Variants in FBRSL1 observed in about 807,000 individuals in gnomAD.
FBRSL1 encodes the protein fibrosin-1-like protein.
A neutral mutation model predicts 89.6 loss-of-function variants in FBRSL1; 51 were observed. That is an observed-to-expected ratio of 0.57 (90% CI 0.45 to 0.72). The LOEUF is 0.72. Ranked by LOEUF, FBRSL1 falls within the 30% of genes least tolerant of loss-of-function variation. The probability of loss-of-function intolerance (pLI) is 0.00; values close to 1 mark genes in which losing one functional copy is unlikely to be tolerated. For synonymous variants in FBRSL1, 779 were observed against 681.1 expected (o/e 1.14, Z -2.24); for missense variants, 1,618 against 1,451.8 (o/e 1.11, Z -1.86).
rs3751315 is a variant in FBRSL1, at chr12:132,570,115, C to A, written c.881C>A (p.Pro294Gln). 1.4e-6 allele frequency: 2 copies of A among 1,479,854 alleles called. No homozygotes were observed. Among genetic ancestry groups the A allele is most frequent in the South Asian group, 2.6e-5 (2 of 78,218 alleles). The allele number at this position is 1,479,854 out of a possible 1,614,324, so 91.7% of individuals were successfully genotyped here. A position where few individuals can be genotyped will look rare whatever the true frequency, so the allele number is the denominator to read the frequency against. ...NPLVKKEPPA[P>Q]HRHTPQPPPP... ...TTGGTGAAGAAGGAACCCCCCGCCC[C>A]GCACCGCCACACCCCGCAGCCGCCA... is the stretch of plus-strand genomic sequence containing the variant. Residue 294 changes from proline (P) to glutamine (Q), a missense_variant, in exon 7 of 19, where the codon CCG (proline) becomes CAG (glutamine). Coordinates refer to ENST00000680143, the MANE Select transcript of FBRSL1 (RefSeq NM_001367871.1).
chr12:132,539,161 G>A (rs1783953697), intron 4 of FBRSL1, among the ~76,000 whole-genome samples: 1 of 152,052 alleles, frequency 6.6e-6, no homozygotes, highest in African/African-American at 2.4e-5. Flanking sequence ...CGGGCTCCAT[G>A]GCAGCTCTTT....
intron 2 of FBRSL1, chr12:132,510,209 G>A (rs1236347212): frequency 1.2e-5 from 15 of 1,231,530 alleles, no homozygotes; most frequent in East Asian, 9.5e-5. Flanking sequence ...AACCCCAGCC[G>A]TTGCTCCCCA....
intron 4 of FBRSL1, among the ~76,000 whole-genome samples, chr12:132,531,003 G>C (rs1270178289): frequency 1.2e-4 from 18 of 150,630 alleles, no homozygotes; most frequent in Admixed American, 5.9e-4. Flanking sequence ...GTGGGGGGGG[G>C]GGTGCAGGTG....
At chr12:132,503,385 C>T (rs544425776) in intron 1 of FBRSL1, among the ~76,000 whole-genome samples, 1 of 152,358 alleles carries the variant, frequency 6.6e-6, no homozygotes, top group East Asian at 1.9e-4. Flanking sequence ...CTTGCCGGGG[C>T]AGTTTCTGTG....
At chr12:132,582,934 G>A in intron 18 of FBRSL1, 37 bp from the exon 19 acceptor site, 1 of 1,358,526 alleles carries the variant, frequency 7.4e-7, no homozygotes, top group Non-Finnish European at 9.4e-7. Context: ...GCAGGACGGA[G>A]GTCTCGGGAG....
At chr12:132,510,264 C>T (rs755573348) in intron 2 of FBRSL1, 9 of 1,231,792 alleles carry the variant, frequency 7.3e-6, no homozygotes, top group East Asian at 3.2e-5. Flanking sequence ...CCCACCCTGC[C>T]GGCCTCTCCT....
chr12:132,540,912 T>C (rs2037205749), intron 4 of FBRSL1, among the ~76,000 whole-genome samples: 1 of 152,210 alleles, frequency 6.6e-6, no homozygotes, highest in South Asian at 2.1e-4. Flanking sequence ...TATTTCCCTC[T>C]GAACCTCTGC....
At chr12:132,580,136 G>A (rs952048265) in intron 15 of FBRSL1, among the ~76,000 whole-genome samples, 3 of 152,284 alleles carry the variant, frequency 2.0e-5, no homozygotes, top group South Asian at 2.1e-4. Context: ...TCGCCAGGCT[G>A]GAGTGCAGTG....
chr12:132,492,002 G>A (rs1484915080), intron 1 of FBRSL1, among the ~76,000 whole-genome samples: 1 of 152,232 alleles, frequency 6.6e-6, no homozygotes, highest in Non-Finnish European at 1.5e-5. Context: ...TGGCTCCAGG[G>A]CTGGCACACG....
chr12:132,572,705 C>T, intron 11 of FBRSL1, 83 bp downstream of exon 11: 1 of 956,196 alleles, frequency 1.0e-6, no homozygotes, highest in South Asian at 1.4e-5. Flanking sequence ...GCCAAACTCT[C>T]TGCCCACAAC....
chr12:132,542,906 C>T (rs1330845583), intron 4 of FBRSL1, among the ~76,000 whole-genome samples: 2 of 152,226 alleles, frequency 1.3e-5, no homozygotes, highest in African/African-American at 2.4e-5. Context: ...GCTTAATAGC[C>T]GTGCTGCTGA....
chr12:132,531,135 A>G (rs908310738), intron 4 of FBRSL1, among the ~76,000 whole-genome samples: 1 of 152,048 alleles, frequency 6.6e-6, no homozygotes, highest in African/African-American at 2.4e-5. Flanking sequence ...AGACCACCCC[A>G]GGGGTGGAGG....
intron 5 of FBRSL1, 85 bp from the exon 6 acceptor site, chr12:132,567,396 C>T: frequency 7.1e-7 from 1 of 1,401,908 alleles, no homozygotes; most frequent in Non-Finnish European, 9.9e-7. Flanking sequence ...GAAAACCACC[C>T]AGACTTGTGT....
intron 1 of FBRSL1, among the ~76,000 whole-genome samples, chr12:132,502,424 G>A (rs889411444): frequency 4.6e-5 from 7 of 152,340 alleles, no homozygotes; most frequent in African/African-American, 1.7e-4. Context: ...GAGACTGCGG[G>A]CCACAGCCAG....
At chr12:132,511,404 C>T in intron 2 of FBRSL1, 1 of 985,980 alleles carries the variant, frequency 1.0e-6, no homozygotes, top group Non-Finnish European at 1.2e-6. Flanking sequence ...CCTGCCCCTT[C>T]CACGGCCCCC....
chr12:132,491,397 C>T (rs1025180320), intron 1 of FBRSL1, among the ~76,000 whole-genome samples: 3 of 152,230 alleles, frequency 2.0e-5, no homozygotes, highest in Non-Finnish European at 2.9e-5. Flanking sequence ...GTCTGGCTGA[C>T]GGACAGTATT....
At position 132,583,713 on chromosome 12, in the gene FBRSL1, C is replaced by T. The variant is rs1019369074; in HGVS notation, c.2944C>T (p.Leu982Phe). The T allele has an allele frequency of 9.6e-5, 116 of 1,203,242 alleles. No individual in the cohort carries two copies. The highest frequency in any genetic ancestry group is 1.1e-4 in the Non-Finnish European group (108 of 969,712). 74.5% of individuals were successfully genotyped at this position (1,203,242 alleles called of 1,614,324 possible). Reference sequence around the variant, plus strand: ...GAGCCGGACTACTCCGCTGGGGGGCCTCGGGCCGGGCGAGGCGCGCGACTA... The same window carrying T: ...GAGCCGGACTACTCCGCTGGGGGGCTTCGGGCCGGGCGAGGCGCGCGACTA... The part of the protein sequence containing the change: ...PRSRTTPLGG[L>F]GPGEARDYSP... The change falls in exon 19 of 19, where the codon CTC becomes TTC. Residue 982 changes from leucine to phenylalanine, a missense_variant. Leu to Phe is a conservative substitution (Grantham distance 22, BLOSUM62 0). Coordinates refer to ENST00000680143, the MANE Select transcript of FBRSL1 (RefSeq NM_001367871.1).
intron 4 of FBRSL1, among the ~76,000 whole-genome samples, chr12:132,542,339 G>A (rs904712066): frequency 2.0e-5 from 3 of 152,244 alleles, no homozygotes; most frequent in Admixed American, 6.5e-5. Flanking sequence ...GTTCCCAGCA[G>A]CTCGGCCTCT....
intron 18 of FBRSL1, among the ~76,000 whole-genome samples, chr12:132,582,770 C>T (rs1261438685): frequency 6.6e-6 from 1 of 152,146 alleles, no homozygotes; most frequent in East Asian, 1.9e-4. Flanking sequence ...TTCCGTCTCC[C>T]GGCCAAGGTT....
Sources: allele counts gnomAD v4.1 joint callset (sites outside exome capture counted in the v4.1 genomes callset), GRCh38; gene constraint gnomAD v4.1.1; transcripts MANE v1.5; gene names NCBI Gene and HGNC (gene_info 2026-07-23, HGNC 2026-07-21).